Variants in CACHD1 observed in about 807,000 individuals in gnomAD.
CACHD1 encodes the protein cache domain containing 1, also known as VWFA and cache domain-containing protein 1.
Under a neutral mutation model 138.7 loss-of-function variants are expected in CACHD1, and 71 were observed. The observed-to-expected ratio is 0.51, with a 90% CI of 0.42 to 0.62. The LOEUF (loss-of-function observed/expected upper bound fraction) is 0.62, where lower values mean the gene tolerates loss of function less well. Ranked by LOEUF, CACHD1 falls within the 20% of genes least tolerant of loss-of-function variation. The pLI is 0.00. For missense variants in CACHD1, 1,389 were observed against 1,625.3 expected, an observed-to-expected ratio of 0.85 and a Z score of 2.50; for synonymous variants, 578 against 591.5, an observed-to-expected ratio of 0.98 and a Z score of 0.33.
chr1:64,556,287 G>A (rs1214498385), intron 2 of CACHD1, among the ~76,000 whole-genome samples: 2 of 152,146 alleles, frequency 1.3e-5, no homozygotes, highest in South Asian at 2.1e-4. Context: ...AATTGTAACC[G>A]CTTATAGGAT....
chr1:64,658,410 G>A (rs1379520485), intron 12 of CACHD1, among the ~76,000 whole-genome samples: 1 of 151,992 alleles, frequency 6.6e-6, no homozygotes, highest in Admixed American at 6.5e-5. Flanking sequence ...ACCCACATTA[G>A]CAAAAAAAGA....
chr1:64,527,178 C>T (rs752551709), intron 1 of CACHD1, among the ~76,000 whole-genome samples: 11 of 152,152 alleles, frequency 7.2e-5, no homozygotes, highest in Non-Finnish European at 1.0e-4. Context: ...GACCACGGAG[C>T]GGCACAGGGA....
In CACHD1 at chr1:64,590,753, T is replaced by A. The variant is rs868543486; in HGVS notation, c.410+8449T>A. Among the ~76,000 whole-genome samples, 8 of 152,302 alleles carry A rather than the reference T, an allele frequency of 5.3e-5. No homozygotes were observed. In the Middle Eastern group the frequency reaches 0.02, roughly 389 times the overall value. On this transcript the variant is annotated intron_variant, in intron 3 of 26. Coordinates refer to ENST00000651257, the MANE Select transcript of CACHD1 (RefSeq NM_020925.4). ...TCTATCATTTCTAAGAAGAGGCAAG[T>A]CTTTTTATTTTATTTGCAGCTACTA...
At chr1:64,609,144 T>C (rs560712501) in intron 4 of CACHD1, among the ~76,000 whole-genome samples, 9 of 152,258 alleles carry the variant, frequency 5.9e-5, no homozygotes, top group South Asian at 4.2e-4. Flanking sequence ...CTTCTATGAA[T>C]GATAATGAGT....
intron 1 of CACHD1, among the ~76,000 whole-genome samples, chr1:64,539,942 A>G (rs1037040277): frequency 1.3e-5 from 2 of 152,072 alleles, no homozygotes; most frequent in African/African-American, 4.8e-5. Flanking sequence ...TGCACTGTTC[A>G]CTGTTGCTTT....
chr1:64,616,752 A>G (rs1044490311), intron 4 of CACHD1, among the ~76,000 whole-genome samples: 1 of 152,140 alleles, frequency 6.6e-6, no homozygotes, highest in African/African-American at 2.4e-5. Context: ...AATGGAAGGA[A>G]GTGTAGTTAG....
chr1:64,640,692 GACACACACACACACAC>G (rs35423621), intron 7 of CACHD1, among the ~76,000 whole-genome samples: 9 of 143,798 alleles, frequency 6.3e-5, no homozygotes, highest in East Asian at 4.1e-4. Flanking sequence ...TATATATACA[GACACACACACACACAC>G]ACACACACAC....
At position 64,691,394 on chromosome 1, in the gene CACHD1, G is replaced by A; in HGVS notation, c.3658G>A (p.Val1220Ile). The A allele has an allele frequency of 6.2e-7, 1 of 1,614,126 alleles. No individual in the cohort carries two copies. The highest frequency in any genetic ancestry group is 1.6e-4 in the Middle Eastern group (1 of 6,062). The change falls in exon 27 of 27, where the codon GTC becomes ATC. Residue 1220 changes from valine to isoleucine, a missense_variant. Val to Ile is a conservative substitution (Grantham distance 29). This residue lies in a region of CACHD1 where 78 missense variants were observed against 76.9 expected (regional missense o/e 1.01). Transcript: ENST00000651257. ...PCNNDPLSAGVDVGNHDEDLD... is the reference protein window; with the variant it reads ...PCNNDPLSAGIDVGNHDEDLD... ...CAACAATGACCCCTTGTCAGCCGGG[G>A]TCGATGTGGGAAACCATGATGAGGA...
At chr1:64,511,073 G>C (rs1290984577) in intron 1 of CACHD1, among the ~76,000 whole-genome samples, 1 of 152,096 alleles carries the variant, frequency 6.6e-6, no homozygotes, top group Non-Finnish European at 1.5e-5. Flanking sequence ...TAGATATTTT[G>C]GACTGTGCTT....
At chr1:64,534,044 A>AC (rs1553130358) in intron 1 of CACHD1, among the ~76,000 whole-genome samples, 2 of 110,566 alleles carry the variant, frequency 1.8e-5, no homozygotes, top group Admixed American at 9.9e-5. Context: ...TGAGCCCAGC[A>AC]TTTTTTTTTT....
intron 16 of CACHD1, among the ~76,000 whole-genome samples, chr1:64,669,086 A>T (rs879476033): frequency 7.4e-6 from 1 of 135,300 alleles, no homozygotes; most frequent in Non-Finnish European, 1.6e-5. Context: ...TTAAAGATTA[A>T]ATTAAATAAT....
Position 64,496,881 on chromosome 1 carries a change from A to G in CACHD1, c.198+25939A>G, listed in dbSNP as rs575561478. On this transcript the variant is annotated intron_variant, in intron 1 of 26. Coordinates refer to ENST00000651257, the MANE Select transcript of CACHD1 (RefSeq NM_020925.4). ...GTTGTCTCAAAAAAAAAAAAAAAAG[A>G]AAGAAAAAGAAAAAAGAAAGCTTTG... Among the ~76,000 whole-genome samples the G allele has an allele frequency of 1.1e-3, 162 of 148,186 alleles. 1 individual carries two copies. The highest frequency in any genetic ancestry group is 4.0e-3 in the African/African-American group (157 of 38,826).
At chr1:64,680,455 T>C (rs1381383593) in intron 24 of CACHD1, among the ~76,000 whole-genome samples, 1 of 151,622 alleles carries the variant, frequency 6.6e-6, no homozygotes, top group Non-Finnish European at 1.5e-5. Context: ...GCCATTGCAT[T>C]CCATTCTGGG....
At chr1:64,657,178 T>C (rs527345376) in intron 12 of CACHD1, among the ~76,000 whole-genome samples, 3 of 152,280 alleles carry the variant, frequency 2.0e-5, no homozygotes, top group African/African-American at 7.2e-5. Context: ...ACAGGCCTGC[T>C]TCACTTCAAA....
rs115908148 is a variant in CACHD1 at position 64,515,587 on chromosome 1, G to A, written c.199-35007G>A. ...GTGTTGATATGGCTTCCTCACATGA[G>A]AAATGCTATTATGCAACAGCTGTAG... is the stretch of plus-strand genomic sequence containing the variant. On this transcript the variant is annotated intron_variant, in intron 1 of 26. Coordinates refer to ENST00000651257, the MANE Select transcript of CACHD1 (RefSeq NM_020925.4). 4.1e-3 allele frequency among the ~76,000 whole-genome samples: 631 copies of A among 152,242 alleles called. 5 individuals are homozygous for A. Among genetic ancestry groups the A allele is most frequent in the African/African-American group, 0.014 (598 of 41,532 alleles).
intron 3 of CACHD1, among the ~76,000 whole-genome samples, chr1:64,586,643 A>G (rs941607967): frequency 6.6e-6 from 1 of 152,148 alleles, no homozygotes; most frequent in African/African-American, 2.4e-5. Flanking sequence ...CATGGTTGTT[A>G]TAGAGGAGAT....
chr1:64,669,513 C>T (rs1053452618), intron 16 of CACHD1, among the ~76,000 whole-genome samples: 1 of 152,130 alleles, frequency 6.6e-6, no homozygotes, highest in African/African-American at 2.4e-5. Context: ...TTCTTTCATA[C>T]ACATTTTTAG....
chr1:64,494,662 T>G (rs1646296324), intron 1 of CACHD1, among the ~76,000 whole-genome samples: 2 of 152,326 alleles, frequency 1.3e-5, no homozygotes, highest in Non-Finnish European at 2.9e-5. Context: ...TTGCTTAAAT[T>G]GACAGGATAT....
At chr1:64,680,342 A>G (rs913149396) in intron 24 of CACHD1, among the ~76,000 whole-genome samples, 2 of 152,090 alleles carry the variant, frequency 1.3e-5, no homozygotes, top group Non-Finnish European at 2.9e-5. Flanking sequence ...TACAAAAACT[A>G]GCCGGTGCGG....
Sources: gnomAD v4.1 joint callset for allele counts (sites outside exome capture counted in the v4.1 genomes callset) on GRCh38, gnomAD v4.1.1 for gene constraint, gnomAD v4.1.1 regional missense constraint, MANE v1.5 for transcripts, NCBI Gene and HGNC (gene_info 2026-07-23, HGNC 2026-07-21) for gene names.